The following ARHGAP18 variants were observed in gnomAD, a reference collection of about 807,000 sequenced individuals.
ARHGAP18 encodes the protein Rho GTPase activating protein 18, also known as rho GTPase-activating protein 18.
In ARHGAP18, 67 loss-of-function variants were observed where a neutral mutation model predicts 86.2. That is an observed-to-expected ratio of 0.78 (90% confidence interval 0.64 to 0.95). ARHGAP18 has a LOEUF of 0.95. Among genes scored for constraint, ARHGAP18 ranks in the 40% least tolerant of loss-of-function variants. The probability of loss-of-function intolerance (pLI) is 0.00; values close to 1 mark genes in which losing one functional copy is unlikely to be tolerated. For synonymous variants in ARHGAP18, 283 were observed against 280.4 expected (o/e 1.01, Z -0.09); for missense variants, 691 against 780.4 (o/e 0.89, Z 1.37).
At chr6:129,673,441 GT>G (rs1774175681) in intron 1 of ARHGAP18, among the ~76,000 whole-genome samples, 1 of 151,996 alleles carries the variant, frequency 6.6e-6, no homozygotes, top group Admixed American at 6.5e-5. Context: ...TTCAAACCAG[GT>G]TTATTTTAAA....
chr6:129,638,273 C>A, intron 3 of ARHGAP18, 121 bp downstream of exon 3: 1 of 986,214 alleles, frequency 1.0e-6, no homozygotes, highest in Non-Finnish European at 1.5e-6. Flanking sequence ...AAGCATAGAG[C>A]TTTGGTGCCT....
At chr6:129,586,556 A>G (rs979725307) in intron 12 of ARHGAP18, among the ~76,000 whole-genome samples, 2 of 152,184 alleles carry the variant, frequency 1.3e-5, no homozygotes, top group African/African-American at 4.8e-5. Context: ...CAGGTTTATC[A>G]GGGACAGAAA....
At chr6:129,579,487 A>T (rs1788244165) in intron 14 of ARHGAP18, among the ~76,000 whole-genome samples, 1 of 152,128 alleles carries the variant, frequency 6.6e-6, no homozygotes, top group Admixed American at 6.5e-5. Context: ...TCCAAGAGTC[A>T]AAAAAGAAAA....
chr6:129,686,978 C>CTTTTTTTT (rs71028176), intron 1 of ARHGAP18, among the ~76,000 whole-genome samples: 132 of 106,868 alleles, frequency 1.2e-3, no homozygotes, highest in East Asian at 1.8e-3. Flanking sequence ...TTTTTTTTTT[C>CTTTTTTTT]TTTTTTTTTT....
chr6:129,586,527 T>G (rs1270485258), intron 12 of ARHGAP18, among the ~76,000 whole-genome samples: 1 of 152,156 alleles, frequency 6.6e-6, no homozygotes, highest in African/African-American at 2.4e-5. Context: ...TAAGTCATAG[T>G]GTCAAATATC....
intron 1 of ARHGAP18, among the ~76,000 whole-genome samples, chr6:129,696,533 C>A (rs922427491): frequency 2.4e-4 from 37 of 152,280 alleles, no homozygotes; most frequent in African/African-American, 8.7e-4. Context: ...ACAATAAATA[C>A]CCAATCCTTC....
At chr6:129,705,703 T>G (rs988797931) in intron 1 of ARHGAP18, among the ~76,000 whole-genome samples, 1 of 152,212 alleles carries the variant, frequency 6.6e-6, no homozygotes, top group Non-Finnish European at 1.5e-5. Context: ...CTTTCTTTCC[T>G]TTTCTTTACC....
At position 129,648,231 on chromosome 6, in the gene ARHGAP18, C is replaced by G. The variant is rs118149583; in HGVS notation, c.114-6213G>C. On this transcript the variant is annotated intron_variant, in intron 1 of 14. Transcript: ENST00000368149. ...GTGTCTCCCAGGCTGAAGTGCAGTC[C>G]ACAATCATAGCTCACTGCAGCCTCA... Among the ~76,000 whole-genome samples, 1,326 of 151,430 alleles carry G rather than the reference C, an allele frequency of 8.8e-3. 5 individuals are homozygous for G. The highest frequency in any genetic ancestry group is 0.014 in the Non-Finnish European group (964 of 67,906).
At chr6:129,705,472 T>G (rs1375865508) in intron 1 of ARHGAP18, among the ~76,000 whole-genome samples, 1 of 152,188 alleles carries the variant, frequency 6.6e-6, no homozygotes, top group Non-Finnish European at 1.5e-5. Flanking sequence ...TATAGGCAAT[T>G]GTTACCAGTT....
At chr6:129,589,973 T>C (rs1361103323) in intron 12 of ARHGAP18, among the ~76,000 whole-genome samples, 3 of 152,260 alleles carry the variant, frequency 2.0e-5, no homozygotes, top group African/African-American at 4.8e-5. Context: ...TGGAGTCCAA[T>C]GTTCCAGAGC....
chr6:129,689,386 C>T lies in ARHGAP18; in HGVS notation c.113+20638G>A, dbSNP rs1322557614. ...TCGGCTCACTGCAATCTCTGCCTCC[C>T]GGGTCAAGCAACTCTCCTGCCTCCA... On this transcript the variant is annotated intron_variant, in intron 1 of 14. Transcript: ENST00000368149. 3.9e-5 allele frequency among the ~76,000 whole-genome samples: 6 copies of T among 152,186 alleles called. No homozygotes were observed. The East Asian group carries it at 5.8e-4, about 15-fold the overall frequency.
At chr6:129,608,157 C>A in intron 8 of ARHGAP18, 105 bp from the exon 9 acceptor site, 19 of 1,269,892 alleles carry the variant, frequency 1.5e-5, no homozygotes, top group African/African-American at 3.1e-5. Context: ...AGACTCTGCT[C>A]TTTAGACAAG....
At chr6:129,646,528 T>G (rs1223669234) in intron 1 of ARHGAP18, among the ~76,000 whole-genome samples, 1 of 152,234 alleles carries the variant, frequency 6.6e-6, no homozygotes, top group Non-Finnish European at 1.5e-5. Context: ...TATCTACTGA[T>G]ATTTATAATA....
At chr6:129,640,081 A>G (rs548686398) in intron 2 of ARHGAP18, among the ~76,000 whole-genome samples, 1 of 149,958 alleles carries the variant, frequency 6.7e-6, no homozygotes, top group East Asian at 1.9e-4. Flanking sequence ...AAAGTCAGCC[A>G]TTATTATTTA....
intron 9 of ARHGAP18, 36 bp downstream of exon 9, chr6:129,607,857 A>G: frequency 6.5e-7 from 1 of 1,546,148 alleles, no homozygotes; most frequent in South Asian, 1.3e-5. Flanking sequence ...AGATGGCACC[A>G]GCAGAAGGAC....
chr6:129,682,242 A>G (rs1322159847), intron 1 of ARHGAP18, among the ~76,000 whole-genome samples: 1 of 152,212 alleles, frequency 6.6e-6, no homozygotes, highest in Non-Finnish European at 1.5e-5. Flanking sequence ...TCTGTTAAGT[A>G]TGAAGACATG....
intron 12 of ARHGAP18, among the ~76,000 whole-genome samples, chr6:129,591,654 A>G (rs10499161): frequency 0.092 from 14,060 of 152,074 alleles, 898 homozygotes; most frequent in Middle Eastern, 0.17. Flanking sequence ...ATATTTTTGC[A>G]CTCTAGAGAT....
intron 3 of ARHGAP18, 138 bp from the exon 4 acceptor site, chr6:129,634,243 C>T (rs1773283784): frequency 1.6e-6 from 1 of 638,168 alleles, no homozygotes; most frequent in Non-Finnish European, 2.6e-6. Flanking sequence ...AAAAGGGGCA[C>T]TAAGATAATA....
At chr6:129,593,502 C>T (rs1002717050) in intron 12 of ARHGAP18, among the ~76,000 whole-genome samples, 13 of 152,082 alleles carry the variant, frequency 8.5e-5, no homozygotes, top group African/African-American at 3.1e-4. Flanking sequence ...ATTACAGATG[C>T]CACTATTGTG....
Sources: allele counts gnomAD v4.1 joint callset (sites outside exome capture counted in the v4.1 genomes callset), GRCh38; gene constraint gnomAD v4.1.1; transcripts MANE v1.5; gene names NCBI Gene and HGNC (gene_info 2026-07-23, HGNC 2026-07-21).